Variants in ROBO2 observed in about 807,000 individuals in gnomAD.
ROBO2 encodes roundabout guidance receptor 2, also known as roundabout homolog 2.
Under a neutral mutation model 160.8 loss-of-function variants are expected in ROBO2, and 53 were observed. The ratio of observed to expected loss-of-function variants is 0.33; its 90% CI spans 0.26 to 0.41. The LOEUF is 0.41. ROBO2 is among the 10% of genes least tolerant of loss of function. The pLI, the probability that ROBO2 is intolerant of heterozygous loss-of-function variation, is 1.00. For missense variants in ROBO2, 1,577 were observed against 1,722.4 expected (o/e 0.92, Z 1.49); for synonymous variants, 664 against 611.7 (o/e 1.09, Z -1.26).
intron 2 of ROBO2, among the ~76,000 whole-genome samples, chr3:77,388,141 TACACACACACACAC>T (rs60937023): frequency 6.8e-6 from 1 of 146,922 alleles, no homozygotes; most frequent in South Asian, 2.2e-4. Flanking sequence ...GATTCACACA[TACACACACACACAC>T]ACACACACAC....
intron 2 of ROBO2, among the ~76,000 whole-genome samples, chr3:77,215,458 G>A (rs2084799305): frequency 6.6e-6 from 1 of 151,936 alleles, no homozygotes; most frequent in Non-Finnish European, 1.5e-5. Context: ...TCTCTGCACT[G>A]GTTATTCTAG....
chr3:76,686,218 G>C (rs886910678), intron 2 of ROBO2, among the ~76,000 whole-genome samples: 7 of 151,960 alleles, frequency 4.6e-5, no homozygotes, highest in African/African-American at 1.7e-4. Context: ...AAAGGAGTTA[G>C]GTGCTTACAA....
chr3:77,180,087 A>G (rs1243255607), intron 2 of ROBO2, among the ~76,000 whole-genome samples: 1 of 152,050 alleles, frequency 6.6e-6, no homozygotes, highest in Non-Finnish European at 1.5e-5. Flanking sequence ...AGAGCCACAG[A>G]CATTCTTCCC....
intron 2 of ROBO2, among the ~76,000 whole-genome samples, chr3:77,008,191 T>C (rs529121694): frequency 1.3e-5 from 2 of 152,190 alleles, no homozygotes; most frequent in South Asian, 2.1e-4. Context: ...GTTCGGTTTC[T>C]TGAACTTGAA....
intron 1 of ROBO2, among the ~76,000 whole-genome samples, chr3:77,082,162 G>A (rs147577290): frequency 2.0e-5 from 3 of 152,294 alleles, no homozygotes; most frequent in East Asian, 1.9e-4. Flanking sequence ...AGCCTGCAAA[G>A]TATAAAGCAT....
At chr3:76,471,191 A>C (rs12107824) in intron 2 of ROBO2, among the ~76,000 whole-genome samples, 55,662 of 151,880 alleles carry the variant, frequency 0.37, 10,328 homozygotes, top group East Asian at 0.45. Flanking sequence ...GCGACAAACT[A>C]TTAGCCAATT....
intron 2 of ROBO2, among the ~76,000 whole-genome samples, chr3:76,574,375 C>T (rs2085154021): frequency 6.6e-6 from 1 of 151,840 alleles, no homozygotes; most frequent in Admixed American, 6.6e-5. Context: ...AAAAGTAAAC[C>T]CATTCTGGAG....
chr3:76,298,250 G>A (rs1709183171), intron 2 of ROBO2, among the ~76,000 whole-genome samples: 1 of 152,102 alleles, frequency 6.6e-6, no homozygotes, highest in African/African-American at 2.4e-5. Context: ...ATAATGGATT[G>A]TACAAGGGTG....
At chr3:76,076,023 A>G (rs950660783) in intron 2 of ROBO2, among the ~76,000 whole-genome samples, 1 of 152,194 alleles carries the variant, frequency 6.6e-6, no homozygotes, top group Non-Finnish European at 1.5e-5. Context: ...CTCAATGAAA[A>G]CTTTTCACAG....
At chr3:77,187,816 A>G (rs2081416637) in intron 2 of ROBO2, among the ~76,000 whole-genome samples, 1 of 151,940 alleles carries the variant, frequency 6.6e-6, no homozygotes, top group South Asian at 2.1e-4. Flanking sequence ...TAATTAGTAT[A>G]TTTGTATTTT....
At chr3:76,555,146 A>G (rs1045094216) in intron 2 of ROBO2, among the ~76,000 whole-genome samples, 1 of 152,116 alleles carries the variant, frequency 6.6e-6, no homozygotes, top group Non-Finnish European at 1.5e-5. Flanking sequence ...GAAGTAATAT[A>G]AAAATCCCTA....
At position 76,575,824 on chromosome 3, in the gene ROBO2, G is replaced by T. The variant is rs148882595; in HGVS notation, c.110-522190G>T. Among the ~76,000 whole-genome samples the T allele has an allele frequency of 5.1e-3, 780 of 152,126 alleles. 6 individuals carry two copies. The highest frequency in any genetic ancestry group is 0.01 in the Middle Eastern group (3 of 294). ...TAAGCCCCTCAGTAAAAGAGCTAAA[G>T]AAATTTAATTTAGTTGAGTTTTTAG... On this transcript the variant is annotated intron_variant, in intron 2 of 26. Coordinates refer to the ROBO2 transcript ENST00000487694.
At chr3:77,218,875 C>T (rs2085337630) in intron 2 of ROBO2, among the ~76,000 whole-genome samples, 1 of 152,212 alleles carries the variant, frequency 6.6e-6, no homozygotes, top group Non-Finnish European at 1.5e-5. Flanking sequence ...CAACACAGAA[C>T]ACAGCACATT....
At chr3:76,938,864 G>C (rs2077941459) in intron 2 of ROBO2, among the ~76,000 whole-genome samples, 2 of 151,902 alleles carry the variant, frequency 1.3e-5, no homozygotes, top group Non-Finnish European at 2.9e-5. Context: ...CCAGCTACTG[G>C]GGAGGCTGAG....
At chr3:76,567,494 C>A (rs2084602469) in intron 2 of ROBO2, among the ~76,000 whole-genome samples, 1 of 150,174 alleles carries the variant, frequency 6.7e-6, no homozygotes, top group Admixed American at 6.7e-5. Flanking sequence ...AATTGAAACT[C>A]CAAATTTCAG....
intron 2 of ROBO2, among the ~76,000 whole-genome samples, chr3:76,322,164 G>GTATATATATATATATATATATA (rs200388202): frequency 9.2e-6 from 1 of 108,156 alleles, no homozygotes; most frequent in African/African-American, 4.5e-5. Flanking sequence ...TACTTCTTCC[G>GTATATATATATATATATATATA]TATATATATA....
At chr3:77,602,141 C>T in intron 19 of ROBO2, 69 bp from the exon 21 acceptor site, 1 of 1,493,168 alleles carries the variant, frequency 6.7e-7, no homozygotes, top group East Asian at 2.3e-5. Flanking sequence ...TATTTTTCAT[C>T]TTCAGTCCTG....
intron 2 of ROBO2, among the ~76,000 whole-genome samples, chr3:76,603,348 AAAAATATATATATATATATATATATAT>A (rs1560218972): frequency 1.6e-5 from 1 of 60,958 alleles, no homozygotes; most frequent in African/African-American, 6.7e-5. Context: ...AAAAAAAAAA[AAAAATATATATATATATATATATATAT>A]ATATATATAT....
intron 2 of ROBO2, among the ~76,000 whole-genome samples, chr3:76,728,261 T>C (rs1284523145): frequency 6.6e-6 from 1 of 152,202 alleles, no homozygotes; most frequent in Non-Finnish European, 1.5e-5. Flanking sequence ...CTAGTGTAAT[T>C]ATTGGGTTGT....
Sources: gnomAD v4.1 joint callset for allele counts (sites outside exome capture counted in the v4.1 genomes callset) on GRCh38, gnomAD v4.1.1 for gene constraint, MANE v1.5 for transcripts, NCBI Gene and HGNC (gene_info 2026-07-23, HGNC 2026-07-21) for gene names.